DENND1C: variants seen among roughly 807,000 people sequenced by gnomAD.
The protein encoded by DENND1C is DENN domain containing 1C.
DENND1C carries 64 observed loss-of-function variants against 87.9 expected under a neutral mutation model. The observed-to-expected ratio is 0.73, with a 90% CI of 0.60 to 0.90. DENND1C has a LOEUF of 0.90. Ranked by LOEUF, DENND1C falls within the 40% of genes least tolerant of loss-of-function variation. The probability of loss-of-function intolerance (pLI) is 0.00; values close to 1 mark genes in which losing one functional copy is unlikely to be tolerated. For missense variants in DENND1C, 980 were observed against 1,037.0 expected, an observed-to-expected ratio of 0.95 and a Z score of 0.76; for synonymous variants, 384 against 424.4, an observed-to-expected ratio of 0.90 and a Z score of 1.17.
chr19:6,477,003 C>T (rs762282681), intron 9 of DENND1C, 36 bp from the exon 10 acceptor site: 9 of 1,613,286 alleles, frequency 5.6e-6, no homozygotes, highest in South Asian at 1.1e-5. Context: ...CGTGGACGGG[C>T]CCCTGGATCT....
rs1457619570 is a variant in DENND1C, at chr19:6,475,284, A to G, written c.1043T>C (p.Val348Ala). The change falls in exon 14 of 23, where the codon GTC becomes GCC. Residue 348 changes from valine to alanine, a missense_variant. Physicochemically the swap from Val to Ala is moderately conservative, Grantham distance 64 (BLOSUM62 0). Coordinates refer to ENST00000381480, the MANE Select transcript of DENND1C (RefSeq NM_024898.4). ...LLFGGYRDAL[V>A]CSPGQPVTFS... is the part of the protein sequence containing the mutation. ...GTCCCCGCTGCTCACCGGGCTGCAG[A>G]CGAGTGCGTCGCGGTACCCCCCGAA... The G allele has an allele frequency of 6.2e-7, 1 of 1,613,256 alleles. No individual in the cohort carries two copies. The highest frequency in any genetic ancestry group is 1.1e-5 in the South Asian group (1 of 91,074).
At chr19:6,480,195 T>C in intron 1 of DENND1C, 144 bp from the exon 2 acceptor site, 5 of 1,480,990 alleles carry the variant, frequency 3.4e-6, no homozygotes, top group Non-Finnish European at 4.5e-6. Flanking sequence ...TGGCTGTGAG[T>C]GTGTGGTTGT....
intron 11 of DENND1C, 26 bp from the exon 12 acceptor site, chr19:6,475,777 G>A (rs768598934): frequency 5.9e-6 from 9 of 1,537,666 alleles, no homozygotes; most frequent in African/African-American, 1.4e-5. Context: ...ACGGGGTCAT[G>A]CAGGCACCGC....
At position 6,470,706 on chromosome 19, in the gene DENND1C, C is replaced by T. The variant is rs1007123312; in HGVS notation, c.1291-340G>A. ...GTGCCATCTCGGCTCACTGCAACCT[C>T]CACCTCCCTGGTTCAAGCGATTCTC... On this transcript the variant is annotated intron_variant, in intron 17 of 22. Transcript: ENST00000381480. Among the ~76,000 whole-genome samples the T allele has an allele frequency of 1.5e-4, 22 of 144,930 alleles. 1 individual carries two copies. The East Asian group carries it at 4.3e-3, about 29-fold the overall frequency.
rs868379755 is a variant in DENND1C at position 6,467,727 on chromosome 19, A to G, written c.2183T>C (p.Ile728Thr). The change falls in exon 23 of 23, where the codon ATA becomes ACA. Residue 728 changes from isoleucine (I) to threonine (T), a missense_variant. Coordinates refer to ENST00000381480, the MANE Select transcript of DENND1C (RefSeq NM_024898.4). ...ATCAAGGGGCTGGGACGTCCAGGCT[A>G]TATCAAAGTTGGGCTTTGTGGGGGC... Reference protein sequence around the residue: ...ILAPTKPNFDIAWTSQPLDPS... With the variant: ...ILAPTKPNFDTAWTSQPLDPS... The G allele has an allele frequency of 2.6e-6, 4 of 1,521,286 alleles. No individual in the cohort carries two copies. The highest frequency in any genetic ancestry group is 1.8e-4 in the Middle Eastern group (1 of 5,604). 94.2% of individuals were successfully genotyped at this position (1,521,286 alleles called of 1,614,324 possible).
At chr19:6,480,739 G>C (rs1258856493) in intron 1 of DENND1C, among the ~76,000 whole-genome samples, 2 of 151,826 alleles carry the variant, frequency 1.3e-5, no homozygotes, top group Non-Finnish European at 2.9e-5. Flanking sequence ...CCTGTAGCTG[G>C]GATTACAGGT....
rs1161420576 is a variant in DENND1C, at chr19:6,476,923, G to A, written c.612C>T (p.Ile204=). ...ELVVAVTDEN[I]VGLFAALLAE... is the part of the protein sequence containing the mutation. ...CCAGGAGCGCCGCGAACAGCCCCAC[G>A]ATGTTCTCGTCAGTCACGGCCACCA... is the stretch of plus-strand genomic sequence containing the variant. The change falls in exon 10 of 23, where the codon ATC becomes ATT. Residue 204 remains isoleucine (I), a synonymous_variant. Transcript: ENST00000381480. The A allele has an allele frequency of 1.9e-6, 3 of 1,613,580 alleles. No individual in the cohort carries two copies. The East Asian group carries it at 6.7e-5, about 36-fold the overall frequency.
rs377069594 is a variant in DENND1C, at chr19:6,476,863, G to A, written c.672C>T (p.Leu224=). The part of the protein sequence containing the change: ...ERRVLLTASK[L]STLTSCVHAS... ...CCGGCGGACCCCGCCTCACGGTGCT[G>A]AGTTTGCTGGCGGTGAGCAGGACTC... The change falls in exon 10 of 23, where the codon CTC becomes CTT. Residue 224 remains leucine, a synonymous_variant. Coordinates refer to ENST00000381480, the MANE Select transcript of DENND1C (RefSeq NM_024898.4). 9.9e-6 allele frequency: 16 copies of A among 1,611,726 alleles called. No homozygotes were observed. Among genetic ancestry groups the A allele is most frequent in the Admixed American group, 3.3e-5 (2 of 59,950 alleles).
chr19:6,467,277 T>C lies in DENND1C; in HGVS notation c.*227A>G, dbSNP rs185232327. ...CATTAGCTGAGATGGAAGTGACAAA[T>C]GCCGAGAGGAATTGTAAGGTTGCCA... On this transcript the variant is annotated 3_prime_UTR_variant, in exon 23 of 23. Transcript: ENST00000381480. The C allele has an allele frequency of 2.1e-5, 12 of 564,030 alleles. No individual in the cohort carries two copies. The highest frequency in any genetic ancestry group is 1.1e-4 in the Admixed American group (3 of 26,810). 34.9% of individuals were successfully genotyped at this position (564,030 alleles called of 1,614,324 possible).
chr19:6,479,434 C>CCCTGGGTCCCTGGGTT (rs1568401969), intron 4 of DENND1C, among the ~76,000 whole-genome samples: 1 of 151,444 alleles, frequency 6.6e-6, no homozygotes, highest in African/African-American at 2.4e-5. Flanking sequence ...GTCCCTGGGT[C>CCCTGGGTCCCTGGGTT]CCTGGGTCCC....
At chr19:6,476,450 G>T in intron 10 of DENND1C, 1 of 184,184 alleles carries the variant, frequency 5.4e-6, no homozygotes, top group East Asian at 1.6e-4. Flanking sequence ...TGCGCCCCTT[G>T]TTATCTGAGT....
intron 19 of DENND1C, among the ~76,000 whole-genome samples, chr19:6,469,310 C>T (rs1268452551): frequency 6.6e-6 from 1 of 150,560 alleles, no homozygotes; most frequent in Non-Finnish European, 1.5e-5. Flanking sequence ...GGGTTACAGG[C>T]GTGAGCCACC....
In DENND1C at chr19:6,477,142, G is replaced by A; in HGVS notation, c.514-15C>T. On this transcript the variant is annotated splice_polypyrimidine_tract_variant and intron_variant, in intron 8 of 22. Transcript: ENST00000381480. ...AAGCAGGAAAGCTGGTGGGGGTATT[G>A]GCAGGGGGATCAATCAGTCAGGAGG... 6.2e-7 allele frequency: 1 copy of A among 1,601,310 alleles called. No individual in the cohort carries two copies. Among genetic ancestry groups the A allele is most frequent in the Non-Finnish European group, 8.5e-7 (1 of 1,174,072 alleles).
At chr19:6,477,505 A>T in intron 6 of DENND1C, 47 bp from the exon 7 acceptor site, 2 of 1,570,198 alleles carry the variant, frequency 1.3e-6, no homozygotes, top group Non-Finnish European at 1.7e-6. Flanking sequence ...AGATGTGGGG[A>T]TTGGGGATTC....
intron 10 of DENND1C, 99 bp downstream of exon 10, chr19:6,476,758 C>T: frequency 8.1e-7 from 1 of 1,239,798 alleles, no homozygotes; most frequent in South Asian, 1.5e-5. Context: ...CCTCGGGTCT[C>T]GCGCAGTAGG....
chr19:6,469,689 C>T (rs1472385570), intron 18 of DENND1C, 49 bp from the exon 19 acceptor site: 1 of 1,567,744 alleles, frequency 6.4e-7, no homozygotes, highest in Non-Finnish European at 8.7e-7. Flanking sequence ...GGATCCTGGG[C>T]ATTTGAGAGC....
At chr19:6,477,150 G>A in intron 8 of DENND1C, 23 bp from the exon 9 acceptor site, 2 of 1,599,666 alleles carry the variant, frequency 1.3e-6, no homozygotes, top group Non-Finnish European at 1.7e-6. Flanking sequence ...TTGGCAGGGG[G>A]ATCAATCAGT....
intron 14 of DENND1C, among the ~76,000 whole-genome samples, chr19:6,473,713 A>G (rs183761690): frequency 2.1e-3 from 310 of 149,504 alleles, no homozygotes; most frequent in South Asian, 3.4e-3. Flanking sequence ...CAAGCAATCC[A>G]CACACCTTGG....
At chr19:6,476,768 G>T (rs914497151) in intron 10 of DENND1C, 89 bp downstream of exon 10, 2 of 1,338,988 alleles carry the variant, frequency 1.5e-6, no homozygotes, top group Non-Finnish European at 2.0e-6. Flanking sequence ...CGCGCAGTAG[G>T]GTTAGAGCCA....
Sources: allele counts gnomAD v4.1 joint callset (sites outside exome capture counted in the v4.1 genomes callset), GRCh38; gene constraint gnomAD v4.1.1; transcripts MANE v1.5; gene names NCBI Gene and HGNC (gene_info 2026-07-23, HGNC 2026-07-21).